GLIS3: variants seen among roughly 807,000 people sequenced by gnomAD.
The protein encoded by GLIS3 is GLIS family zinc finger 3.
Under a neutral mutation model 78.6 loss-of-function variants are expected in GLIS3, and 53 were observed. That is an observed-to-expected ratio of 0.67 (90% CI 0.54 to 0.85). The LOEUF (loss-of-function observed/expected upper bound fraction) is 0.85, where lower values mean the gene tolerates loss of function less well. Among genes scored for constraint, GLIS3 ranks in the 40% least tolerant of loss-of-function variants. The pLI is 0.00. For synonymous variants in GLIS3, 684 were observed against 509.9 expected (o/e 1.34, Z -4.60); for missense variants, 1,703 against 1,231.1 (o/e 1.38, Z -5.74).
chr9:4,209,143 T>G (rs944351990), intron 2 of GLIS3, among the ~76,000 whole-genome samples: 2 of 152,160 alleles, frequency 1.3e-5, no homozygotes, highest in Non-Finnish European at 2.9e-5. Flanking sequence ...TGGACGCTCA[T>G]GCACCACTCT....
intron 3 of GLIS3, chr9:4,123,723 G>C (rs949566372): frequency 1.8e-5 from 7 of 397,134 alleles, no homozygotes; most frequent in African/African-American, 1.4e-4. Context: ...TATGTTTATT[G>C]TATATGTTTG....
intron 6 of GLIS3, among the ~76,000 whole-genome samples, chr9:3,911,427 G>T (rs1413236270): frequency 6.6e-6 from 1 of 152,150 alleles, no homozygotes; most frequent in Non-Finnish European, 1.5e-5. Flanking sequence ...CACTCGGCTG[G>T]CTACCATGTA....
intron 6 of GLIS3, among the ~76,000 whole-genome samples, chr9:3,920,559 C>G (rs929966751): frequency 6.7e-6 from 1 of 148,730 alleles, no homozygotes; most frequent in African/African-American, 2.5e-5. Flanking sequence ...CTTTGTGACT[C>G]AGAAATTCAG....
chr9:4,261,116 A>G (rs1587199259), intron 2 of GLIS3, among the ~76,000 whole-genome samples: 1 of 152,226 alleles, frequency 6.6e-6, no homozygotes, highest in East Asian at 1.9e-4. Flanking sequence ...GCGTTCCAGA[A>G]AACTGACTGG....
chr9:3,992,583 A>G lies in GLIS3; in HGVS notation c.1711-55394T>C, dbSNP rs538479862. Among the ~76,000 whole-genome samples the G allele has an allele frequency of 2.5e-3, 377 of 152,336 alleles. 2 individuals carry two copies. Among genetic ancestry groups the G allele is most frequent in the Non-Finnish European group, 4.4e-3 (298 of 68,024 alleles). ...CCAGAAACTCAATATGAACAACTGT[A>G]TTTATTTCCATTATTAAGGAGTAAA... On this transcript the variant is annotated intron_variant, in intron 4 of 10. Transcript: ENST00000381971.
At chr9:4,212,017 G>C (rs1820423276) in intron 2 of GLIS3, among the ~76,000 whole-genome samples, 1 of 152,332 alleles carries the variant, frequency 6.6e-6, no homozygotes, top group Admixed American at 6.5e-5. Context: ...GGGGCTGGGA[G>C]TGGGAAAGAG....
intron 9 of GLIS3, among the ~76,000 whole-genome samples, chr9:3,846,591 T>C (rs1287488857): frequency 6.6e-6 from 1 of 152,214 alleles, no homozygotes; most frequent in Non-Finnish European, 1.5e-5. Flanking sequence ...GCTCATAGGA[T>C]TCCAGTTAGT....
chr9:4,088,556 G>T (rs1306361186), intron 4 of GLIS3, among the ~76,000 whole-genome samples: 1 of 152,140 alleles, frequency 6.6e-6, no homozygotes, highest in Non-Finnish European at 1.5e-5. Flanking sequence ...AAAATTCACA[G>T]GAAAATTATC....
chr9:4,223,463 T>C (rs566221385), intron 2 of GLIS3, among the ~76,000 whole-genome samples: 56 of 152,184 alleles, frequency 3.7e-4, no homozygotes, highest in African/African-American at 7.2e-4. Context: ...GCCAAGTTTC[T>C]CTAATATTTC....
intron 2 of GLIS3, among the ~76,000 whole-genome samples, chr9:4,184,377 A>G (rs1817586061): frequency 6.6e-6 from 1 of 152,246 alleles, no homozygotes; most frequent in Non-Finnish European, 1.5e-5. Context: ...GCAACCAAAT[A>G]AAGAATATAA....
At chr9:4,097,651 A>C (rs1830062075) in intron 4 of GLIS3, among the ~76,000 whole-genome samples, 1 of 152,218 alleles carries the variant, frequency 6.6e-6, no homozygotes, top group Admixed American at 6.5e-5. Flanking sequence ...AATATTTTAG[A>C]ATAAAAACAA....
chr9:3,996,838 A>C (rs1266621738), intron 4 of GLIS3, among the ~76,000 whole-genome samples: 3 of 152,180 alleles, frequency 2.0e-5, no homozygotes, highest in African/African-American at 7.2e-5. Context: ...ATAGGAATGA[A>C]AGGGTGATAT....
intron 2 of GLIS3, among the ~76,000 whole-genome samples, chr9:4,200,237 T>A (rs1173229444): frequency 6.6e-6 from 1 of 151,510 alleles, no homozygotes; most frequent in Non-Finnish European, 1.5e-5. Flanking sequence ...ACCTCAAACC[T>A]AGAGGAACTA....
chr9:4,216,488 AAAAAG>A (rs1265512022), intron 2 of GLIS3, among the ~76,000 whole-genome samples: 295 of 150,996 alleles, frequency 2.0e-3, no homozygotes, highest in African/African-American at 5.9e-3. Flanking sequence ...TCAAAAAAAA[AAAAAG>A]AAAAGAAAAG....
intron 9 of GLIS3, among the ~76,000 whole-genome samples, chr9:3,837,183 C>T (rs994686475): frequency 5.3e-5 from 8 of 152,288 alleles, no homozygotes; most frequent in African/African-American, 1.7e-4. Context: ...CACTGACCTG[C>T]ACCACATAAG....
At chr9:3,936,194 C>T (rs958586879) in intron 5 of GLIS3, among the ~76,000 whole-genome samples, 3 of 152,166 alleles carry the variant, frequency 2.0e-5, no homozygotes, top group Admixed American at 6.5e-5. Flanking sequence ...GTATAATACA[C>T]TTATCCTGAT....
the GLIS3 span, among the ~76,000 whole-genome samples, chr9:4,448,957 C>T: frequency 1.3e-5 from 2 of 152,196 alleles, no homozygotes; most frequent in East Asian, 3.9e-4. Context: ...GTTCATCTCA[C>T]TGGGACTGTT....
chr9:3,987,936 C>G lies in GLIS3; in HGVS notation c.1711-50747G>C, dbSNP rs561647270. 2.6e-5 allele frequency among the ~76,000 whole-genome samples: 4 copies of G among 151,976 alleles called. No individual in the cohort carries two copies. The East Asian group carries it at 5.8e-4, about 22-fold the overall frequency. On this transcript the variant is annotated intron_variant, in intron 4 of 10. Transcript: ENST00000381971. ...TGAAATAATCCAGAGAAAAACGATA[C>G]ATGAACATCAATTCAATGACAGCAC...
the GLIS3 span, among the ~76,000 whole-genome samples, chr9:4,435,206 C>T: frequency 1.3e-5 from 2 of 152,298 alleles, no homozygotes; most frequent in African/African-American, 2.4e-5. Flanking sequence ...AAGACACTTT[C>T]TTTGCTTGCT....
Sources: allele counts gnomAD v4.1 joint callset (sites outside exome capture counted in the v4.1 genomes callset), GRCh38; gene constraint gnomAD v4.1.1; transcripts MANE v1.5; gene names NCBI Gene and HGNC (gene_info 2026-07-23, HGNC 2026-07-21).